The following CWF19L2 variants were observed in gnomAD, a reference collection of about 807,000 sequenced individuals.
The protein encoded by CWF19L2 is CWF19-like protein 2.
In CWF19L2, 98 loss-of-function variants were observed where a neutral mutation model predicts 111.7. The observed-to-expected ratio is 0.88, with a 90% CI of 0.75 to 1.04. The LOEUF is 1.04. CWF19L2 is among the 50% of genes least tolerant of loss of function. The probability of loss-of-function intolerance (pLI) is 0.00; values close to 1 mark genes in which losing one functional copy is unlikely to be tolerated. For missense variants in CWF19L2, 1,101 were observed against 1,051.4 expected, an observed-to-expected ratio of 1.05 and a Z score of -0.65; for synonymous variants, 351 against 342.9, an observed-to-expected ratio of 1.02 and a Z score of -0.26.
At chr11:107,443,084 A>T in intron 3 of CWF19L2, 35 bp from the exon 4 acceptor site, 1 of 1,352,440 alleles carries the variant, frequency 7.4e-7, no homozygotes, top group Non-Finnish European at 1.0e-6. Flanking sequence ...AAATTGTCAA[A>T]TTTGCATACT....
intron 7 of CWF19L2, among the ~76,000 whole-genome samples, chr11:107,432,303 C>T (rs1442629727): frequency 1.3e-5 from 2 of 152,142 alleles, no homozygotes; most frequent in Admixed American, 6.5e-5. Flanking sequence ...TTCGGCTGGG[C>T]GCAGTGGCTC....
intron 8 of CWF19L2, among the ~76,000 whole-genome samples, chr11:107,418,574 G>A (rs535432695): frequency 1.0e-3 from 158 of 152,008 alleles, no homozygotes; most frequent in Admixed American, 3.5e-3. Flanking sequence ...CCCCATACTC[G>A]TAACTTTAAA....
chr11:107,425,258 T>C (rs1038191136), intron 8 of CWF19L2, among the ~76,000 whole-genome samples: 3 of 150,800 alleles, frequency 2.0e-5, no homozygotes, highest in African/African-American at 4.9e-5. Flanking sequence ...CTAAAAGAGC[T>C]CTAGCCCAGT....
chr11:107,404,545 A>T lies in CWF19L2; in HGVS notation c.1618-11650T>A, dbSNP rs145087449. The T allele has an allele frequency of 8.0e-4, 544 of 678,914 alleles. 2 individuals carry two copies. The African/African-American group carries it at 8.9e-3, about 11-fold the overall frequency. The allele number at this position is 678,914 out of a possible 1,614,324, so 42.1% of individuals were successfully genotyped here. The stretch of plus-strand genomic sequence containing the variant: ...TTGGAGTGCTGGGCATTTGTGTTGC[A>T]GGAGCTGGGGTGGGAGGTGGGGCAT... On this transcript the variant is annotated intron_variant, in intron 10 of 17. Transcript: ENST00000282251.
chr11:107,416,475 G>A (rs181184761), intron 9 of CWF19L2, among the ~76,000 whole-genome samples, 177 bp from the exon 10 acceptor site: 113 of 152,126 alleles, frequency 7.4e-4, no homozygotes, highest in African/African-American at 2.6e-3. Context: ...ACTTATCTCA[G>A]TTACAAACTT....
At chr11:107,359,015 T>C (rs1860281901) in intron 12 of CWF19L2, among the ~76,000 whole-genome samples, 1 of 152,168 alleles carries the variant, frequency 6.6e-6, no homozygotes, top group Non-Finnish European at 1.5e-5. Context: ...AGTACTTATG[T>C]CATTAGCTAC....
rs1183671627 is a variant in CWF19L2, at chr11:107,456,419, G to A, written c.106-643C>T. On this transcript the variant is annotated intron_variant, in intron 1 of 17. Transcript: ENST00000282251. ...ACGAAACTTACTCCCTCCAAAAACT[G>A]CTGGAAATACCAAAGAGAAAAGAAT... Among the ~76,000 whole-genome samples the A allele has an allele frequency of 2.6e-5, 4 of 151,924 alleles. No individual in the cohort carries two copies. In the East Asian group the frequency reaches 7.7e-4, roughly 29 times the overall value.
chr11:107,340,608 G>A (rs12286915), intron 14 of CWF19L2, among the ~76,000 whole-genome samples: 40,287 of 152,028 alleles, frequency 0.26, 5,585 homozygotes, highest in Non-Finnish European at 0.31. Flanking sequence ...CAGTAATCAG[G>A]TAAGGCTGAT....
chr11:107,352,932 A>C (rs1323212468), intron 13 of CWF19L2, among the ~76,000 whole-genome samples: 1 of 152,078 alleles, frequency 6.6e-6, no homozygotes, highest in Non-Finnish European at 1.5e-5. Context: ...TGCTCCACCA[A>C]TGCTAAGCTC....
In CWF19L2 at chr11:107,361,547, C is replaced by T. The variant is rs1373517640; in HGVS notation, c.1873-7811G>A. ...GTATGTTGATAGAGATTATAATCAA[C>T]CTGTAGATTACTCTGGCCAGTATGG... On this transcript the variant is annotated intron_variant, in intron 12 of 17. Coordinates refer to ENST00000282251, the MANE Select transcript of CWF19L2 (RefSeq NM_152434.3). Among the ~76,000 whole-genome samples, 5 of 152,070 alleles carry T rather than the reference C, an allele frequency of 3.3e-5. 1 individual carries two copies. Among genetic ancestry groups the T allele is most frequent in the Admixed American group, 1.3e-4 (2 of 15,266 alleles).
At chr11:107,356,801 G>A (rs921730953) in intron 12 of CWF19L2, among the ~76,000 whole-genome samples, 2 of 152,188 alleles carry the variant, frequency 1.3e-5, no homozygotes, top group Non-Finnish European at 2.9e-5. Context: ...ATTTTGGGAG[G>A]TGGAGGTGGG....
chr11:107,393,260 A>G (rs1860875028), intron 10 of CWF19L2, among the ~76,000 whole-genome samples: 1 of 152,198 alleles, frequency 6.6e-6, no homozygotes, highest in Non-Finnish European at 1.5e-5. Flanking sequence ...AAATCTGATT[A>G]TAAGAAATAA....
intron 12 of CWF19L2, among the ~76,000 whole-genome samples, chr11:107,383,169 G>T (rs77679833): frequency 1.3e-3 from 192 of 152,272 alleles, no homozygotes; most frequent in Non-Finnish European, 2.1e-3. Flanking sequence ...TACCCGAAGT[G>T]GGGGGGTCAT....
At position 107,454,966 on chromosome 11, in the gene CWF19L2, T is replaced by C. The variant is rs921819419; in HGVS notation, c.217-394A>G. 3.9e-5 allele frequency among the ~76,000 whole-genome samples: 6 copies of C among 151,938 alleles called. No individual in the cohort carries two copies. The South Asian group carries it at 1.2e-3, about 31-fold the overall frequency. Reference sequence around the variant, plus strand: ...AAATTTATACAAGACTATTAGGCCATAAAAAATATAACAAGATAGCACAAA... The same window carrying C: ...AAATTTATACAAGACTATTAGGCCACAAAAAATATAACAAGATAGCACAAA... On this transcript the variant is annotated intron_variant, in intron 2 of 17. Coordinates refer to ENST00000282251, the MANE Select transcript of CWF19L2 (RefSeq NM_152434.3).
Position 107,441,208 on chromosome 11 carries a change from T to C in CWF19L2, c.570+295A>G, listed in dbSNP as rs543154126. 2.0e-5 allele frequency among the ~76,000 whole-genome samples: 3 copies of C among 152,290 alleles called. No individual in the cohort carries two copies. The East Asian group carries it at 5.8e-4, about 29-fold the overall frequency. Reference sequence around the variant, plus strand: ...TATTTTCATGGTGTCTAATTCAGTATGTACACTGAAACAAAAATTGAGTGA... The same window carrying C: ...TATTTTCATGGTGTCTAATTCAGTACGTACACTGAAACAAAAATTGAGTGA... On this transcript the variant is annotated intron_variant, in intron 5 of 17. Transcript: ENST00000282251.
chr11:107,368,099 G>A lies in CWF19L2; in HGVS notation c.1873-14363C>T, dbSNP rs191914029. ...AATTAGCAGAAGAAAAGAGAGATCCGGGCAGAATAAATTGAGACCCCCCCC... is the reference window on the plus strand; with the variant it reads ...AATTAGCAGAAGAAAAGAGAGATCCAGGCAGAATAAATTGAGACCCCCCCC... On this transcript the variant is annotated intron_variant, in intron 12 of 17. Coordinates refer to ENST00000282251, the MANE Select transcript of CWF19L2 (RefSeq NM_152434.3). 8.6e-5 allele frequency among the ~76,000 whole-genome samples: 9 copies of A among 104,402 alleles called. 1 individual carries two copies. The highest frequency in any genetic ancestry group is 7.5e-4 in the Admixed American group (8 of 10,696). 68.5% of individuals were successfully genotyped at this position (104,402 alleles called of 152,430 possible). A position where few individuals can be genotyped will look rare whatever the true frequency, so the allele number is the denominator to read the frequency against.
At chr11:107,447,227 A>C (rs1005085589) in intron 3 of CWF19L2, among the ~76,000 whole-genome samples, 4 of 152,206 alleles carry the variant, frequency 2.6e-5, no homozygotes, top group African/African-American at 9.6e-5. Flanking sequence ...GCAGAACATG[A>C]AAATCTCACT....
chr11:107,340,523 A>G (rs1404012100), intron 14 of CWF19L2, among the ~76,000 whole-genome samples: 1 of 152,198 alleles, frequency 6.6e-6, no homozygotes, highest in Non-Finnish European at 1.5e-5. Context: ...ATTAATCTAT[A>G]TGTCTATCCC....
At chr11:107,425,513 A>T (rs554057330) in intron 8 of CWF19L2, among the ~76,000 whole-genome samples, 1 of 152,022 alleles carries the variant, frequency 6.6e-6, no homozygotes, top group African/African-American at 2.4e-5. Context: ...GTATGCACTA[A>T]GCTTAAGTAC....
Sources: allele counts gnomAD v4.1 joint callset (sites outside exome capture counted in the v4.1 genomes callset), GRCh38; gene constraint gnomAD v4.1.1; transcripts MANE v1.5; gene names NCBI Gene and HGNC (gene_info 2026-07-23, HGNC 2026-07-21).